The following BAHCC1 variants were observed in gnomAD, a reference collection of about 807,000 sequenced individuals.
BAHCC1 encodes BAH and coiled-coil domain-containing protein 1.
A neutral mutation model predicts 88.2 loss-of-function variants in BAHCC1; 43 were observed. That is an observed-to-expected ratio of 0.49 (90% CI 0.38 to 0.63). The LOEUF (loss-of-function observed/expected upper bound fraction) is 0.63, where lower values mean the gene tolerates loss of function less well. Ranked by LOEUF, BAHCC1 falls within the 20% of genes least tolerant of loss-of-function variation. The pLI is 0.00. For missense variants in BAHCC1, 3,023 were observed against 1,654.8 expected (o/e 1.83, Z -14.34); for synonymous variants, 1,510 against 745.5 (o/e 2.03, Z -16.71).
In BAHCC1 at chr17:81,399,891, CGCCGTT is replaced by C; in HGVS notation, c.156_161del (p.Leu53_Pro54del). ...TTCCAGCCGGGAAAGTACTTCCCGT[CGCCGTT>C]GCCCATGGCTTCGCACACAGGTCAG... On this transcript the variant is annotated inframe_deletion, in exon 2 of 28. Transcript: ENST00000675386. This position sits in a 1 kb window ranked among gnomAD's most constrained non-coding sequence, Gnocchi z 4.5. The C allele has an allele frequency of 6.9e-7, 1 of 1,449,406 alleles. No individual in the cohort carries two copies. The highest frequency in any genetic ancestry group is 9.1e-7 in the Non-Finnish European group (1 of 1,098,678). The allele number at this position is 1,449,406 out of a possible 1,614,324, so 89.8% of individuals were successfully genotyped here.
chr17:81,409,861 C>T (rs2063927378), intron 2 of BAHCC1, among the ~76,000 whole-genome samples: 1 of 152,206 alleles, frequency 6.6e-6, no homozygotes, highest in Admixed American at 6.5e-5. Context: ...AACAGCGCTG[C>T]CTCAGGCCCT....
chr17:81,405,891 C>T (rs1435188489), intron 2 of BAHCC1, among the ~76,000 whole-genome samples: 1 of 152,220 alleles, frequency 6.6e-6, no homozygotes, highest in Non-Finnish European at 1.5e-5. Flanking sequence ...ACCCCCTGAG[C>T]TCAGTACATG....
At chr17:81,398,059 C>T (rs912998776) in intron 1 of BAHCC1, among the ~76,000 whole-genome samples, 8 of 152,182 alleles carry the variant, frequency 5.3e-5, no homozygotes, top group East Asian at 1.9e-4. Flanking sequence ...ATCTTAATCG[C>T]TTTGTTGTCA....
intron 2 of BAHCC1, among the ~76,000 whole-genome samples, chr17:81,407,105 G>C (rs1005197010): frequency 2.6e-5 from 4 of 152,226 alleles, no homozygotes; most frequent in Non-Finnish European, 5.9e-5. Context: ...TCCGGGGTCT[G>C]TGGGAGACCC....
At chr17:81,422,034 C>A in intron 2 of BAHCC1, 1 of 305,874 alleles carries the variant, frequency 3.3e-6, no homozygotes, top group Non-Finnish European at 6.7e-6. Context: ...TTCTTGGAGG[C>A]GGAGTCGCAC....
chr17:81,463,054 C>G, intron 27 of BAHCC1, 78 bp downstream of exon 27: 1 of 700,178 alleles, frequency 1.4e-6, no homozygotes, highest in Non-Finnish European at 2.6e-6. Flanking sequence ...AGCACTGTGC[C>G]CCAACACGGA....
intron 2 of BAHCC1, among the ~76,000 whole-genome samples, chr17:81,426,231 G>C (rs2064196270): frequency 7.8e-5 from 11 of 140,342 alleles, no homozygotes; most frequent in African/African-American, 2.4e-4. Flanking sequence ...TGGTGATAGT[G>C]GTGGGTGATG....
chr17:81,410,793 G>T (rs1404360889), intron 2 of BAHCC1, among the ~76,000 whole-genome samples: 17 of 152,090 alleles, frequency 1.1e-4, no homozygotes, highest in African/African-American at 3.9e-4. Flanking sequence ...GGACCACAGA[G>T]CTGGAAGAGC....
At chr17:81,430,387 C>T (rs1322965136) in intron 3 of BAHCC1, among the ~76,000 whole-genome samples, 1 of 152,094 alleles carries the variant, frequency 6.6e-6, no homozygotes, top group Non-Finnish European at 1.5e-5. Context: ...GCGGCAGGCA[C>T]ACACACGCGC....
rs951489323 is a variant in BAHCC1 at position 81,419,725 on chromosome 17, C to T, written c.179-7075C>T. Reference sequence around the variant, plus strand: ...CCGGCAGCTGGGCTTCCGGAAGCAGCGGGAGCCGGGAGCCTGGGAAGGGCC... The same window carrying T: ...CCGGCAGCTGGGCTTCCGGAAGCAGTGGGAGCCGGGAGCCTGGGAAGGGCC... On this transcript the variant is annotated intron_variant, in intron 2 of 27. Coordinates refer to ENST00000675386, the MANE Select transcript of BAHCC1 (RefSeq NM_001377448.1). Among the ~76,000 whole-genome samples the T allele has an allele frequency of 2.0e-4, 28 of 143,516 alleles. No homozygotes were observed. The East Asian group carries it at 3.0e-3, about 15-fold the overall frequency. 94.2% of individuals were successfully genotyped at this position (143,516 alleles called of 152,430 possible).
At chr17:81,452,269 T>A (rs1384559001) in intron 13 of BAHCC1, among the ~76,000 whole-genome samples, 162 bp downstream of exon 13, 1 of 151,748 alleles carries the variant, frequency 6.6e-6, no homozygotes, top group Non-Finnish European at 1.5e-5. Flanking sequence ...CCAGAGGCAG[T>A]GGGGCCCAAG....
chr17:81,454,734 C>G (rs1056625243), intron 14 of BAHCC1, among the ~76,000 whole-genome samples: 1 of 152,130 alleles, frequency 6.6e-6, no homozygotes, highest in Admixed American at 6.5e-5. Flanking sequence ...TAAGCCCTGC[C>G]CCAGACTCAG....
intron 2 of BAHCC1, among the ~76,000 whole-genome samples, chr17:81,418,952 CT>C (rs2064078817): frequency 6.6e-6 from 1 of 151,844 alleles, no homozygotes; most frequent in African/African-American, 2.4e-5. Context: ...AGTCCCTCCC[CT>C]GCCTCTGTGC....
chr17:81,399,630 C>T lies in BAHCC1; in HGVS notation c.-110C>T. 2.8e-6 allele frequency: 2 copies of T among 720,164 alleles called. No homozygotes were observed. The highest frequency in any genetic ancestry group is 2.1e-5 in the South Asian group (1 of 47,304). The allele number at this position is 720,164 out of a possible 1,614,324, so 44.6% of individuals were successfully genotyped here. On this transcript the variant is annotated 5_prime_UTR_variant, in exon 2 of 28. Transcript: ENST00000675386. The surrounding 1 kb of genome is among the most constrained non-coding windows in gnomAD (Gnocchi z 4.5). ...CTGACCGGCCCCGCCGCCACCACCG[C>T]CTGTGACCCCGGACGCCGCCGCCTC... is the stretch of plus-strand genomic sequence containing the variant.
At chr17:81,422,944 C>A (rs868917049) in intron 2 of BAHCC1, 4 of 283,612 alleles carry the variant, frequency 1.4e-5, no homozygotes, top group Middle Eastern at 1.0e-3. Context: ...CCCCAGTGTC[C>A]CCAAGCAGGG....
chr17:81,408,144 C>G lies in BAHCC1; in HGVS notation c.178+8227C>G, dbSNP rs1555647206. On this transcript the variant is annotated intron_variant, in intron 2 of 27. Coordinates refer to ENST00000675386, the MANE Select transcript of BAHCC1 (RefSeq NM_001377448.1). ...GTCCTCGGGCTCCAGCTGAACTTGG[C>G]CTTGCCCTTTCCTGAGCTCTTGCTC... Among the ~76,000 whole-genome samples, 3 of 152,356 alleles carry G rather than the reference C, an allele frequency of 2.0e-5. 1 individual carries two copies. Among genetic ancestry groups the G allele is most frequent in the Middle Eastern group, 6.8e-3 (2 of 294 alleles).
Position 81,447,617 on chromosome 17 carries a change from GACA to G in BAHCC1, c.3749_3751del (p.Asn1250del), listed in dbSNP as rs781980518. On this transcript the variant is annotated inframe_deletion, in exon 11 of 28. Transcript: ENST00000675386. ...AGAGGAGGACTGTGGCGGAGCTCCC[GACA>G]ACAGCCACCCACCCAGGGCGCTACC... 2 of 745,144 alleles carry G rather than the reference GACA, an allele frequency of 2.7e-6. No individual in the cohort carries two copies. Among genetic ancestry groups the G allele is most frequent in the Non-Finnish European group, 5.0e-6 (2 of 401,242 alleles). 46.2% of individuals were successfully genotyped at this position (745,144 alleles called of 1,614,324 possible).
At chr17:81,416,573 G>A (rs1325933687) in intron 2 of BAHCC1, among the ~76,000 whole-genome samples, 6 of 19,748 alleles carry the variant, frequency 3.0e-4, no homozygotes, top group East Asian at 0.01. Context: ...GTATGTGCGT[G>A]TGTGTGTGTC....
In BAHCC1 at chr17:81,411,227, G is replaced by A; in HGVS notation, c.178+11310G>A. The A allele has an allele frequency of 1.9e-6, 1 of 513,788 alleles. No homozygotes were observed. The highest frequency in any genetic ancestry group is 1.4e-5 in the South Asian group (1 of 71,088). The allele number at this position is 513,788 out of a possible 1,614,324, so 31.8% of individuals were successfully genotyped here. A position where few individuals can be genotyped will look rare whatever the true frequency, so the allele number is the denominator to read the frequency against. ...CCTGGGCATGCCCAGTGGGGCCCCA[G>A]GAGGACTCGCCACCCCCAGTTGAGC... is the stretch of plus-strand genomic sequence containing the variant. On this transcript the variant is annotated intron_variant, in intron 2 of 27. Transcript: ENST00000675386. The surrounding 1 kb of genome is among the most constrained non-coding windows in gnomAD (Gnocchi z 6.2).
Sources: gnomAD v4.1 joint callset for allele counts (sites outside exome capture counted in the v4.1 genomes callset) on GRCh38, gnomAD v4.1.1 for gene constraint, Gnocchi (gnomAD v3.1) non-coding constraint, MANE v1.5 for transcripts, NCBI Gene and HGNC (gene_info 2026-07-23, HGNC 2026-07-21) for gene names.